TOP2B: variants seen among roughly 807,000 people sequenced by gnomAD.
TOP2B encodes DNA topoisomerase II beta, also known as DNA topoisomerase 2-beta.
Under a neutral mutation model 193.5 loss-of-function variants are expected in TOP2B, and 51 were observed. The observed-to-expected ratio is 0.26, with a 90% confidence interval of 0.21 to 0.33. The LOEUF (loss-of-function observed/expected upper bound fraction) is 0.33, where lower values mean the gene tolerates loss of function less well. TOP2B is among the 10% of genes least tolerant of loss of function. TOP2B has a pLI of 1.00. For missense variants in TOP2B, 1,378 were observed against 1,909.3 expected, an observed-to-expected ratio of 0.72 and a Z score of 5.19; for synonymous variants, 634 against 635.7, an observed-to-expected ratio of 1.00 and a Z score of 0.04.
intron 33 of TOP2B, among the ~76,000 whole-genome samples, chr3:25,601,543 C>T (rs113660463): frequency 8.5e-5 from 13 of 152,134 alleles, no homozygotes; most frequent in East Asian, 7.7e-4. Flanking sequence ...CGCTTGAACC[C>T]GGGAGGTCGC....
At chr3:25,657,720 C>T (rs1255360725) in intron 1 of TOP2B, among the ~76,000 whole-genome samples, 3 of 152,246 alleles carry the variant, frequency 2.0e-5, no homozygotes, top group Middle Eastern at 3.4e-3. Context: ...ATAGCAATTG[C>T]TCACAGTACT....
chr3:25,609,584 C>T lies in TOP2B; in HGVS notation c.3915G>A (p.Arg1305=). The T allele has an allele frequency of 6.2e-7, 1 of 1,606,190 alleles. No individual in the cohort carries two copies. Among genetic ancestry groups the T allele is most frequent in the South Asian group, 1.1e-5 (1 of 89,274 alleles). Residue 1305 remains arginine (R), a synonymous_variant, in exon 29 of 36, where the codon AGG becomes AGA. Transcript: ENST00000264331. ...VPINKGPKPK[R]EKKEPGTRVR... ...ATTTCTCACCAGGCTCCTTCTTCTC[C>T]CTCTTAGGTTTGGGACCTTTATTTA...
intron 1 of TOP2B, among the ~76,000 whole-genome samples, chr3:25,663,163 G>A (rs1258038070): frequency 6.6e-6 from 1 of 152,324 alleles, no homozygotes; most frequent in East Asian, 1.9e-4. Context: ...GCTGCTGTCA[G>A]TAGCACCCTT....
At chr3:25,605,193 TC>T (rs1702205228) in intron 32 of TOP2B, among the ~76,000 whole-genome samples, 1 of 152,112 alleles carries the variant, frequency 6.6e-6, no homozygotes, top group Non-Finnish European at 1.5e-5. Flanking sequence ...TATGAAAATG[TC>T]CCACTGTATT....
At chr3:25,638,413 A>AAACCTT in intron 4 of TOP2B, 103 bp from the exon 5 acceptor site, 1 of 1,300,368 alleles carries the variant, frequency 7.7e-7, no homozygotes, top group Non-Finnish European at 1.0e-6. Flanking sequence ...AATCTAGAAT[A>AAACCTT]AACCTTAATG....
chr3:25,636,011 G>A lies in TOP2B; in HGVS notation c.777C>T (p.Leu259=), dbSNP rs774429292. ...MEKLDKDIVA[L]MTRRAYDLAG... Reference sequence around the variant, plus strand: ...CCAAATCATATGCCCTTCTAGTCATGAGGGCCACAATATCCTTGTCAAGTT... The same window carrying A: ...CCAAATCATATGCCCTTCTAGTCATAAGGGCCACAATATCCTTGTCAAGTT... The change falls in exon 7 of 36, where the codon CTC becomes CTT. Residue 259 remains leucine, a synonymous_variant. Transcript: ENST00000264331. 6.2e-7 allele frequency: 1 copy of A among 1,613,448 alleles called. No individual in the cohort carries two copies.
chr3:25,601,901 A>G (rs1391201809), intron 33 of TOP2B, among the ~76,000 whole-genome samples: 2 of 152,286 alleles, frequency 1.3e-5, no homozygotes, highest in Non-Finnish European at 2.9e-5. Flanking sequence ...TGTTTTAGAG[A>G]AAAAAATGTA....
intron 28 of TOP2B, among the ~76,000 whole-genome samples, 188 bp downstream of exon 28, chr3:25,612,327 A>G (rs1385911673): frequency 6.6e-6 from 1 of 152,224 alleles, no homozygotes; most frequent in Non-Finnish European, 1.5e-5. Context: ...GCTCTTTACA[A>G]TATGTGATCC....
chr3:25,652,833 G>A (rs1455895156), intron 1 of TOP2B, among the ~76,000 whole-genome samples: 1 of 150,786 alleles, frequency 6.6e-6, no homozygotes, highest in Non-Finnish European at 1.5e-5. Context: ...GAAAAACAAT[G>A]AGGAAAAAAA....
chr3:25,649,099 A>C (rs1304289414), intron 1 of TOP2B, among the ~76,000 whole-genome samples: 1 of 152,254 alleles, frequency 6.6e-6, no homozygotes, highest in Admixed American at 6.5e-5. Flanking sequence ...AATGAATTGA[A>C]AATACACTAG....
At position 25,625,901 on chromosome 3, in the gene TOP2B, G is replaced by T. The variant is rs115150037; in HGVS notation, c.2224+659C>A. Among the ~76,000 whole-genome samples, 796 of 152,292 alleles carry T rather than the reference G, an allele frequency of 5.2e-3. 2 individuals are homozygous for T. The highest frequency in any genetic ancestry group is 0.018 in the African/African-American group (763 of 41,554). ...TAAGAGGTACATAATAATTGGTATAGAAGTTTAGGTATCTAAGACCAATTT... is the reference window on the plus strand; with the variant it reads ...TAAGAGGTACATAATAATTGGTATATAAGTTTAGGTATCTAAGACCAATTT... On this transcript the variant is annotated intron_variant, in intron 18 of 35. Transcript: ENST00000264331.
intron 34 of TOP2B, among the ~76,000 whole-genome samples, chr3:25,600,451 T>C (rs1449196186): frequency 6.6e-6 from 1 of 152,200 alleles, no homozygotes; most frequent in Non-Finnish European, 1.5e-5. Flanking sequence ...TTTTCCACCC[T>C]ATTATCCCCA....
At chr3:25,632,653 A>G (rs768475916) in intron 9 of TOP2B, 40 bp downstream of exon 9, 2 of 1,602,976 alleles carry the variant, frequency 1.2e-6, no homozygotes, top group African/African-American at 2.7e-5. Context: ...TATATAATGC[A>G]TATGTATGCA....
At chr3:25,616,738 C>T (rs577144921) in intron 25 of TOP2B, among the ~76,000 whole-genome samples, 90 of 151,878 alleles carry the variant, frequency 5.9e-4, no homozygotes, top group Non-Finnish European at 1.2e-3. Context: ...TAGGATACAA[C>T]AAAATCCTGT....
At position 25,612,439 on chromosome 3, in the gene TOP2B, C is replaced by T. The variant is rs570847010; in HGVS notation, c.3786+76G>A. The T allele has an allele frequency of 1.3e-4, 137 of 1,056,292 alleles. No homozygotes were observed. In the East Asian group the frequency reaches 2.0e-3, roughly 16 times the overall value. 65.4% of individuals were successfully genotyped at this position (1,056,292 alleles called of 1,614,324 possible). Reference sequence around the variant, plus strand: ...AATAAAACAAAGCATGATTTAAACACGCATTAAAATTTTTTAAATTATACA... The same window carrying T: ...AATAAAACAAAGCATGATTTAAACATGCATTAAAATTTTTTAAATTATACA... On this transcript the variant is annotated intron_variant, in intron 28 of 35. Transcript: ENST00000264331.
chr3:25,613,704 G>A (rs902711659), intron 27 of TOP2B, among the ~76,000 whole-genome samples: 1 of 151,756 alleles, frequency 6.6e-6, no homozygotes, highest in Non-Finnish European at 1.5e-5. Context: ...CTCCAGCCTG[G>A]GTGACAGAGC....
intron 27 of TOP2B, 87 bp from the exon 28 acceptor site, chr3:25,612,796 AT>A (rs1346892781): frequency 2.8e-5 from 27 of 962,982 alleles, no homozygotes; most frequent in Non-Finnish European, 4.1e-5. Flanking sequence ...AACAAATGTT[AT>A]TCACTCAGTA....
chr3:25,620,869 T>C lies in TOP2B; in HGVS notation c.2728-53A>G, dbSNP rs1288828052. ...ACTTCTCTCTTGAGTACCAGTACCA[T>C]GAGTCTATGGTCTAACATTGACAGA... On this transcript the variant is annotated intron_variant, in intron 21 of 35. Coordinates refer to ENST00000264331, the MANE Select transcript of TOP2B (RefSeq NM_001330700.2). 4.4e-6 allele frequency: 7 copies of C among 1,580,726 alleles called. No individual in the cohort carries two copies. The African/African-American group carries it at 8.1e-5, about 18-fold the overall frequency.
intron 3 of TOP2B, among the ~76,000 whole-genome samples, chr3:25,643,366 CCT>C (rs1247539843): frequency 6.6e-6 from 1 of 152,064 alleles, no homozygotes; most frequent in African/African-American, 2.4e-5. Context: ...AAAATCAGTC[CCT>C]GTCATCTCCA....
Sources: allele counts gnomAD v4.1 joint callset (sites outside exome capture counted in the v4.1 genomes callset), GRCh38; gene constraint gnomAD v4.1.1; transcripts MANE v1.5; gene names NCBI Gene and HGNC (gene_info 2026-07-23, HGNC 2026-07-21).